The following SDK1 variants were observed in gnomAD, a reference collection of about 807,000 sequenced individuals.
SDK1 encodes protein sidekick-1.
In SDK1, 157 loss-of-function variants were observed where a neutral mutation model predicts 245.5. The ratio of observed to expected loss-of-function variants is 0.64; its 90% CI spans 0.56 to 0.73. The LOEUF is 0.73. Ranked by LOEUF, SDK1 falls within the 30% of genes least tolerant of loss-of-function variation. The probability of loss-of-function intolerance (pLI) is 0.00; values close to 1 mark genes in which losing one functional copy is unlikely to be tolerated. For missense variants in SDK1, 3,583 were observed against 3,002.3 expected, an observed-to-expected ratio of 1.19 and a Z score of -4.52; for synonymous variants, 1,647 against 1,278.5, an observed-to-expected ratio of 1.29 and a Z score of -6.15.
chr7:3,562,507 A>C (rs960558283), intron 1 of SDK1, among the ~76,000 whole-genome samples: 2 of 152,236 alleles, frequency 1.3e-5, no homozygotes, highest in South Asian at 4.1e-4. Context: ...AATGCTAGGA[A>C]CCCCTTGGGA....
intron 20 of SDK1, among the ~76,000 whole-genome samples, chr7:4,069,148 C>T (rs976957987): frequency 2.6e-5 from 4 of 152,212 alleles, no homozygotes; most frequent in African/African-American, 4.8e-5. Context: ...GGGCAGGGCC[C>T]CCTGTTCTAC....
chr7:3,528,382 G>A (rs1783223085), intron 1 of SDK1, among the ~76,000 whole-genome samples: 1 of 151,924 alleles, frequency 6.6e-6, no homozygotes, highest in South Asian at 2.1e-4. Flanking sequence ...GCTAGGGGGT[G>A]AGTGGTGGGA....
At chr7:3,910,643 C>T (rs1779131633) in intron 5 of SDK1, among the ~76,000 whole-genome samples, 1 of 152,132 alleles carries the variant, frequency 6.6e-6, no homozygotes, top group African/African-American at 2.4e-5. Flanking sequence ...GCTGCCCAGG[C>T]TCCGGTGATT....
intron 19 of SDK1, among the ~76,000 whole-genome samples, chr7:4,059,441 A>G (rs1385636432): frequency 1.3e-5 from 2 of 152,268 alleles, no homozygotes; most frequent in Admixed American, 1.3e-4. Flanking sequence ...ACTCAGATAT[A>G]TAAAGCAAAT....
At chr7:3,854,533 C>T (rs958253808) in intron 5 of SDK1, among the ~76,000 whole-genome samples, 1 of 152,110 alleles carries the variant, frequency 6.6e-6, no homozygotes, top group Admixed American at 6.6e-5. Context: ...ACAGAGCAAC[C>T]ATATTCCGTA....
intron 1 of SDK1, among the ~76,000 whole-genome samples, chr7:3,555,405 A>G (rs866740181): frequency 2.4e-4 from 37 of 152,196 alleles, no homozygotes; most frequent in Admixed American, 1.8e-3. Context: ...CTAGACCTCT[A>G]TGTCTCATCA....
Position 3,723,893 on chromosome 7 carries a change from CGT to C in SDK1, c.713+81791_713+81792del, listed in dbSNP as rs1562397584. On this transcript the variant is annotated intron_variant, in intron 4 of 44. Transcript: ENST00000404826. ...ATATACACGTACATATATATATACA[CGT>C]GTATATACACGTACATATATATATA... Among the ~76,000 whole-genome samples, 203 of 127,836 alleles carry C rather than the reference CGT, an allele frequency of 1.6e-3. 3 individuals are homozygous for C. The highest frequency in any genetic ancestry group is 3.1e-3 in the East Asian group (15 of 4,850). The allele number at this position is 127,836 out of a possible 152,430, so 83.9% of individuals were successfully genotyped here.
At position 4,113,388 on chromosome 7, in the gene SDK1, C is replaced by T. The variant is rs191745874; in HGVS notation, c.3534C>T (p.Thr1178=). 14 of 1,613,846 alleles carry T rather than the reference C, an allele frequency of 8.7e-6. No homozygotes were observed. The East Asian group carries it at 2.7e-4, about 31-fold the overall frequency. The part of the protein sequence containing the change: ...TLQAPPDVAP[T]SVTVRTASET... ...AGGCCCCACCCGACGTGGCTCCAAC[C>T]AGCGTCACGGTCCGTACTGCCAGTG... The change falls in exon 24 of 45, where the codon ACC becomes ACT. Residue 1178 remains threonine, a synonymous_variant. Transcript: ENST00000404826.
At chr7:3,641,256 A>G (rs1470048812) in intron 3 of SDK1, among the ~76,000 whole-genome samples, 1 of 152,182 alleles carries the variant, frequency 6.6e-6, no homozygotes, top group Non-Finnish European at 1.5e-5. Context: ...ACATCTGACC[A>G]TAATATGGAA....
Position 3,507,535 on chromosome 7 carries a change from T to G in SDK1, c.299-111545T>G, listed in dbSNP as rs1782431261. On this transcript the variant is annotated intron_variant, in intron 1 of 44. Coordinates refer to ENST00000404826, the MANE Select transcript of SDK1 (RefSeq NM_152744.4). ...TTGACTGCAGGAAGGACTGATCTAG[T>G]GCTAGTTACTCCACAGTGGCTGACA... Among the ~76,000 whole-genome samples the G allele has an allele frequency of 2.0e-5, 3 of 152,178 alleles. No individual in the cohort carries two copies. In the South Asian group the frequency reaches 6.2e-4, roughly 32 times the overall value.
At chr7:4,006,549 C>T (rs1410355597) in intron 14 of SDK1, among the ~76,000 whole-genome samples, 1 of 152,294 alleles carries the variant, frequency 6.6e-6, no homozygotes, top group East Asian at 1.9e-4. Context: ...TAACAGTTCT[C>T]AGCAAGCTTG....
At chr7:3,468,305 A>G (rs955152856) in intron 1 of SDK1, among the ~76,000 whole-genome samples, 4 of 152,164 alleles carry the variant, frequency 2.6e-5, no homozygotes, top group Non-Finnish European at 5.9e-5. Flanking sequence ...GATTTTATTA[A>G]CTGTGTTGGG....
intron 1 of SDK1, among the ~76,000 whole-genome samples, chr7:3,423,256 G>C (rs1205558239): frequency 2.6e-5 from 4 of 152,182 alleles, no homozygotes; most frequent in Admixed American, 6.5e-5. Flanking sequence ...GTTTAAATCA[G>C]ACAGGAGAAA....
At chr7:4,124,916 A>G (rs1353443352) in intron 25 of SDK1, among the ~76,000 whole-genome samples, 5 of 148,566 alleles carry the variant, frequency 3.4e-5, no homozygotes, top group South Asian at 2.2e-4. Context: ...GGATGGATGG[A>G]TGGGTGGGTA....
At chr7:4,174,727 G>T (rs756866100) in intron 33 of SDK1, among the ~76,000 whole-genome samples, 5 of 152,104 alleles carry the variant, frequency 3.3e-5, no homozygotes, top group Admixed American at 6.5e-5. Flanking sequence ...GACAGGCCCC[G>T]CCTGTCTGTA....
intron 14 of SDK1, among the ~76,000 whole-genome samples, chr7:4,007,571 G>A (rs1489640021): frequency 6.6e-6 from 1 of 151,930 alleles, no homozygotes; most frequent in East Asian, 1.9e-4. Context: ...GGAGTCTTGG[G>A]GGTTATATAT....
chr7:3,872,140 T>C (rs1780971765), intron 5 of SDK1, among the ~76,000 whole-genome samples: 1 of 152,244 alleles, frequency 6.6e-6, no homozygotes, highest in South Asian at 2.1e-4. Context: ...TGAATCCCAA[T>C]TGGTAATAAT....
chr7:3,757,291 T>C (rs1779960493), intron 4 of SDK1, among the ~76,000 whole-genome samples: 1 of 152,142 alleles, frequency 6.6e-6, no homozygotes, highest in African/African-American at 2.4e-5. Context: ...TACTTCCTTT[T>C]TTTGAGACAA....
chr7:3,538,626 A>T (rs936562501), intron 1 of SDK1, among the ~76,000 whole-genome samples: 6 of 152,162 alleles, frequency 3.9e-5, no homozygotes, highest in Non-Finnish European at 8.8e-5. Context: ...TTTGTATTTT[A>T]TTCCTTCTAA....
Sources: allele counts gnomAD v4.1 joint callset (sites outside exome capture counted in the v4.1 genomes callset), GRCh38; gene constraint gnomAD v4.1.1; transcripts MANE v1.5; gene names NCBI Gene and HGNC (gene_info 2026-07-23, HGNC 2026-07-21).